Variants in ANK2 observed in about 807,000 individuals in gnomAD.
ANK2 encodes the protein ankyrin-2.
In ANK2, 83 loss-of-function variants were observed where a neutral mutation model predicts 360.5. That is an observed-to-expected ratio of 0.23 (90% CI 0.19 to 0.28). The LOEUF (loss-of-function observed/expected upper bound fraction) is 0.28. Among genes scored for constraint, ANK2 ranks in the 10% least tolerant of loss-of-function variants. The pLI is 1.00. For missense variants in ANK2, 4,201 were observed against 4,795.7 expected (o/e 0.88, Z 3.66); for synonymous variants, 1,740 against 1,759.5 (o/e 0.99, Z 0.28).
chr4:113,302,898 A>G (rs2075654950), intron 23 of ANK2, 59 bp downstream of exon 23: 1 of 1,456,924 alleles, frequency 6.9e-7, no homozygotes, highest in Non-Finnish European at 9.6e-7. Context: ...AGGGCAAATT[A>G]CCCTTTTTTT....
the ANK2 span, among the ~76,000 whole-genome samples, chr4:112,803,617 A>G: frequency 2.6e-5 from 4 of 152,356 alleles, no homozygotes; most frequent in Middle Eastern, 6.8e-3. Context: ...AACTGATTTC[A>G]GAATTTCTAC....
At chr4:113,371,348 G>A (rs1410638240) in intron 43 of ANK2, among the ~76,000 whole-genome samples, 1 of 152,086 alleles carries the variant, frequency 6.6e-6, no homozygotes, top group African/African-American at 2.4e-5. Flanking sequence ...TTTATTCCAA[G>A]TTTGCTTTTG....
chr4:112,886,361 C>CT (rs903602366), intron 1 of ANK2, among the ~76,000 whole-genome samples: 3 of 152,042 alleles, frequency 2.0e-5, no homozygotes, highest in Admixed American at 6.6e-5. Context: ...TGCCCTAAGT[C>CT]TAAGTTCAAG....
chr4:112,840,088 G>A (rs2061786308), intron 1 of ANK2, among the ~76,000 whole-genome samples: 1 of 152,196 alleles, frequency 6.6e-6, no homozygotes, highest in Non-Finnish European at 1.5e-5. Context: ...TATAGGACAT[G>A]GTCCTGGTCC....
chr4:113,168,121 G>A (rs1239770077), intron 1 of ANK2, among the ~76,000 whole-genome samples: 2 of 152,108 alleles, frequency 1.3e-5, no homozygotes, highest in Non-Finnish European at 2.9e-5. Context: ...CTTAGGGAAA[G>A]CGTTGATAAG....
intron 2 of ANK2, among the ~76,000 whole-genome samples, chr4:112,983,400 G>A (rs1382784407): frequency 2.0e-5 from 3 of 151,856 alleles, no homozygotes; most frequent in Non-Finnish European, 4.4e-5. Flanking sequence ...AAAGAGGCCG[G>A]GCGCAGTGGC....
intron 1 of ANK2, among the ~76,000 whole-genome samples, chr4:113,164,250 AT>A (rs538098759): frequency 1.3e-5 from 2 of 152,178 alleles, no homozygotes; most frequent in Non-Finnish European, 2.9e-5. Flanking sequence ...AGGAAAATCA[AT>A]CACATATGTA....
chr4:113,048,246 G>GTATATA (rs1561687336), upstream of ANK2, among the ~76,000 whole-genome samples: 356 of 54,586 alleles, frequency 6.5e-3, 13 homozygotes, highest in African/African-American at 0.028. Flanking sequence ...ATCTACAAGT[G>GTATATA]TGTATATATA....
chr4:113,135,952 A>T (rs972042427), intron 1 of ANK2, among the ~76,000 whole-genome samples: 2 of 152,218 alleles, frequency 1.3e-5, no homozygotes, highest in Non-Finnish European at 2.9e-5. Context: ...CATTTCTGTG[A>T]GTACATCAGT....
chr4:113,231,533 C>T (rs1359113798), intron 4 of ANK2, among the ~76,000 whole-genome samples: 1 of 151,764 alleles, frequency 6.6e-6, no homozygotes, highest in Non-Finnish European at 1.5e-5. Flanking sequence ...TATAAAGATG[C>T]TATATATAGT....
chr4:112,937,909 A>G (rs2093893677), intron 2 of ANK2, among the ~76,000 whole-genome samples: 3 of 152,218 alleles, frequency 2.0e-5, no homozygotes, highest in South Asian at 4.1e-4. Flanking sequence ...CCATCTTTTT[A>G]TAACAGTTTC....
At chr4:113,100,985 TG>T (rs1286492023) in intron 1 of ANK2, among the ~76,000 whole-genome samples, 2 of 151,960 alleles carry the variant, frequency 1.3e-5, no homozygotes, top group African/African-American at 4.8e-5. Context: ...GAAGGGGAAG[TG>T]ATGAATAGAT....
chr4:113,137,104 G>C (rs778963319), intron 1 of ANK2, among the ~76,000 whole-genome samples: 3 of 152,130 alleles, frequency 2.0e-5, no homozygotes, highest in Non-Finnish European at 2.9e-5. Context: ...AAAGTGCTGG[G>C]ATTACATGTG....
intron 1 of ANK2, among the ~76,000 whole-genome samples, chr4:112,901,929 A>G (rs772306911): frequency 3.3e-5 from 5 of 152,138 alleles, no homozygotes; most frequent in Non-Finnish European, 7.4e-5. Flanking sequence ...AAAGTTATTC[A>G]ACAGCCAGGG....
intron 1 of ANK2, among the ~76,000 whole-genome samples, chr4:113,054,636 C>T (rs1227022951): frequency 6.6e-6 from 1 of 151,936 alleles, no homozygotes; most frequent in Non-Finnish European, 1.5e-5. Context: ...GAATAATATC[C>T]CTATTTCTTC....
intron 1 of ANK2, among the ~76,000 whole-genome samples, chr4:112,853,465 G>C (rs1453972627): frequency 6.6e-6 from 1 of 151,946 alleles, no homozygotes; most frequent in Non-Finnish European, 1.5e-5. Context: ...GCCTTCCAAA[G>C]TTCTGTGATT....
At chr4:112,710,417 C>CA in the ANK2 span, among the ~76,000 whole-genome samples, 1 of 152,164 alleles carries the variant, frequency 6.6e-6, no homozygotes, top group African/African-American at 2.4e-5. Context: ...TAGCTTGGGC[C>CA]AGGCCAGGTG....
chr4:113,314,907 C>G (rs538806186), intron 24 of ANK2, among the ~76,000 whole-genome samples: 2 of 151,978 alleles, frequency 1.3e-5, no homozygotes, highest in South Asian at 4.2e-4. Flanking sequence ...AGAATACAAC[C>G]CATAGAAAGG....
chr4:113,319,769 C>T (rs1055951443), intron 26 of ANK2, among the ~76,000 whole-genome samples: 1 of 152,020 alleles, frequency 6.6e-6, no homozygotes, highest in African/African-American at 2.4e-5. Flanking sequence ...ACACTTCATT[C>T]AAATTTACTT....
Sources: allele counts gnomAD v4.1 joint callset (sites outside exome capture counted in the v4.1 genomes callset), GRCh38; gene constraint gnomAD v4.1.1; transcripts MANE v1.5; gene names NCBI Gene and HGNC (gene_info 2026-07-23, HGNC 2026-07-21).